Variants in LARGE1 observed in about 807,000 individuals in gnomAD.
The protein encoded by LARGE1 is xylosyl- and glucuronyltransferase LARGE1.
LARGE1 carries 43 observed loss-of-function variants against 87.6 expected under a neutral mutation model. The ratio of observed to expected loss-of-function variants is 0.49; its 90% CI spans 0.38 to 0.63. The LOEUF is 0.63. Among genes scored for constraint, LARGE1 ranks in the 30% least tolerant of loss-of-function variants. The pLI is 0.00. For missense variants in LARGE1, 802 were observed against 1,000.2 expected (o/e 0.80, Z 2.67); for synonymous variants, 434 against 394.6 (o/e 1.10, Z -1.18).
At chr22:33,390,804 G>A (rs1203178634) in intron 7 of LARGE1, among the ~76,000 whole-genome samples, 1 of 150,270 alleles carries the variant, frequency 6.7e-6, no homozygotes, top group East Asian at 2.0e-4. Context: ...AGCCATTCTT[G>A]TGCCTCAGCC....
chr22:33,088,090 T>C, the LARGE1 span, among the ~76,000 whole-genome samples: 2 of 151,870 alleles, frequency 1.3e-5, no homozygotes, highest in Non-Finnish European at 2.9e-5. Context: ...ACACACATCA[T>C]TGATATATAC....
At chr22:33,746,711 G>T (rs2084099687) in intron 2 of LARGE1, among the ~76,000 whole-genome samples, 1 of 152,232 alleles carries the variant, frequency 6.6e-6, no homozygotes, top group South Asian at 2.1e-4. Flanking sequence ...GGCACTTGGT[G>T]TGAAAACTAA....
chr22:33,158,066 G>T (rs1215194158), downstream of LARGE1, among the ~76,000 whole-genome samples: 1 of 151,928 alleles, frequency 6.6e-6, no homozygotes, highest in African/African-American at 2.4e-5. Flanking sequence ...AAAAATAACA[G>T]TGTATTGTAT....
intron 5 of LARGE1, among the ~76,000 whole-genome samples, chr22:33,582,001 C>T (rs1435300580): frequency 6.6e-6 from 1 of 152,184 alleles, no homozygotes; most frequent in African/African-American, 2.4e-5. Flanking sequence ...TATCCCATCA[C>T]CTTCACAGTC....
intron 11 of LARGE1, among the ~76,000 whole-genome samples, chr22:33,313,724 G>T (rs1935854301): frequency 6.6e-6 from 1 of 152,178 alleles, no homozygotes; most frequent in Admixed American, 6.5e-5. Context: ...CTCCATCCTG[G>T]AACTGAATTC....
At chr22:33,413,768 TG>T (rs1477041172) in intron 7 of LARGE1, among the ~76,000 whole-genome samples, 1 of 152,136 alleles carries the variant, frequency 6.6e-6, no homozygotes, top group East Asian at 1.9e-4. Flanking sequence ...CCCGGCCTAC[TG>T]GGGGCTTTTT....
chr22:33,765,632 G>C (rs1184393666), intron 1 of LARGE1, among the ~76,000 whole-genome samples: 1 of 148,156 alleles, frequency 6.7e-6, no homozygotes, highest in Non-Finnish European at 1.5e-5. Flanking sequence ...TTGAAACTGG[G>C]AGGCAGAGGT....
At chr22:33,190,825 T>C (rs11913122) in intron 11 of LARGE1, among the ~76,000 whole-genome samples, 5,413 of 152,264 alleles carry the variant, frequency 0.036, 329 homozygotes, top group African/African-American at 0.12. Context: ...TTATACTCAA[T>C]GCATTTCTCC....
chr22:33,628,699 C>T (rs1314252722), intron 3 of LARGE1, among the ~76,000 whole-genome samples: 1 of 152,156 alleles, frequency 6.6e-6, no homozygotes, highest in Non-Finnish European at 1.5e-5. Flanking sequence ...GTCCTTCAGA[C>T]CAATAATTCA....
At chr22:33,623,554 C>T (rs922468865) in intron 4 of LARGE1, among the ~76,000 whole-genome samples, 2 of 152,102 alleles carry the variant, frequency 1.3e-5, no homozygotes, top group Admixed American at 1.3e-4. Context: ...GAATTTGACG[C>T]TTGCTAACTT....
chr22:33,492,773 G>GAAAAC (rs753922949), intron 6 of LARGE1, among the ~76,000 whole-genome samples: 7 of 152,254 alleles, frequency 4.6e-5, no homozygotes, highest in East Asian at 1.9e-4. Flanking sequence ...TGTGCTAACT[G>GAAAAC]AAAACAAAAC....
At chr22:33,681,248 C>A (rs901798594) in intron 2 of LARGE1, among the ~76,000 whole-genome samples, 1 of 152,004 alleles carries the variant, frequency 6.6e-6, no homozygotes, top group African/African-American at 2.4e-5. Flanking sequence ...AAGTTGTCAC[C>A]CCAAAACATT....
intron 11 of LARGE1, among the ~76,000 whole-genome samples, chr22:33,221,169 A>AAGAG (rs112355451): frequency 0.044 from 6,533 of 148,854 alleles, 194 homozygotes; most frequent in Admixed American, 0.09. Flanking sequence ...CGTTGTTAAA[A>AAGAG]AGAGAGAGAG....
chr22:33,830,961 T>C lies in LARGE1; in HGVS notation c.-82-69403A>G, dbSNP rs554858834. ...ATGACCTAAGTGTCACCTAAAGGCC[T>C]AAACCATCACCTTGAAAGTTAGGTT... On this transcript the variant is annotated intron_variant, in intron 1 of 14. Transcript: ENST00000397394. Among the ~76,000 whole-genome samples the C allele has an allele frequency of 5.9e-5, 9 of 152,332 alleles. No homozygotes were observed. The South Asian group carries it at 1.9e-3, about 32-fold the overall frequency.
At chr22:33,296,643 ACCGCAATGTCTG>A (rs1933313655) in intron 12 of LARGE1, among the ~76,000 whole-genome samples, 1 of 144,046 alleles carries the variant, frequency 6.9e-6, no homozygotes, top group Non-Finnish European at 1.5e-5. Context: ...ATCTCATCTC[ACCGCAATGTCTG>A]CCTCCGAGGT....
chr22:33,492,348 T>G (rs2069889004), intron 6 of LARGE1, among the ~76,000 whole-genome samples: 1 of 152,202 alleles, frequency 6.6e-6, no homozygotes, highest in Non-Finnish European at 1.5e-5. Flanking sequence ...ACATTGCCAG[T>G]GACACTTTTG....
chr22:33,462,473 G>A (rs1397148366), intron 6 of LARGE1, among the ~76,000 whole-genome samples: 1 of 152,120 alleles, frequency 6.6e-6, no homozygotes, highest in Non-Finnish European at 1.5e-5. Flanking sequence ...CAACTTTATA[G>A]ATAAACATTT....
chr22:33,676,372 C>CAAAAAAAAAAAAAAAAAAAAAAAAAAA (rs10567981), intron 2 of LARGE1, among the ~76,000 whole-genome samples: 1 of 16,304 alleles, frequency 6.1e-5, no homozygotes, highest in African/African-American at 1.5e-4. Context: ...GATTCAATGG[C>CAAAAAAAAAAAAAAAAAAAAAAAAAAA]AAAAAAAAAA....
rs78383902 is a variant in LARGE1, at chr22:33,538,581, C to G, written c.787+26267G>C. Among the ~76,000 whole-genome samples, 924 of 152,222 alleles carry G rather than the reference C, an allele frequency of 6.1e-3. 9 individuals carry two copies. Among genetic ancestry groups the G allele is most frequent in the African/African-American group, 0.021 (874 of 41,534 alleles). ...TTTGTTTCCCCATCAATTTACTGAGCCCAGTGTTGAGCCTTACTAGATGCT... is the reference window on the plus strand; with the variant it reads ...TTTGTTTCCCCATCAATTTACTGAGGCCAGTGTTGAGCCTTACTAGATGCT... On this transcript the variant is annotated intron_variant, in intron 6 of 14. Coordinates refer to ENST00000397394, the MANE Select transcript of LARGE1 (RefSeq NM_133642.5).
Sources: allele counts gnomAD v4.1 joint callset (sites outside exome capture counted in the v4.1 genomes callset), GRCh38; gene constraint gnomAD v4.1.1; transcripts MANE v1.5; gene names NCBI Gene and HGNC (gene_info 2026-07-23, HGNC 2026-07-21).